MELTF: variants seen among roughly 807,000 people sequenced by gnomAD.
The protein encoded by MELTF is antigen p97 (melanoma associated) identified by monoclonal antibodies 133.2 and 96.5.
MELTF carries 67 observed loss-of-function variants against 83.7 expected under a neutral mutation model. The observed-to-expected ratio is 0.80, with a 90% CI of 0.66 to 0.98. The LOEUF (loss-of-function observed/expected upper bound fraction) is 0.98, where lower values mean the gene tolerates loss of function less well. Ranked by LOEUF, MELTF falls within the 50% of genes least tolerant of loss-of-function variation. The pLI is 0.00. For synonymous variants in MELTF, 462 were observed against 447.6 expected, an observed-to-expected ratio of 1.03 and a Z score of -0.41; for missense variants, 1,002 against 1,035.6, an observed-to-expected ratio of 0.97 and a Z score of 0.44.
chr3:197,006,498 A>C lies in MELTF; in HGVS notation c.1938+51T>G. ...GTAGACTGAGGCCTCCCAGGGGCTC[A>C]GCTTACCTCTGCTGCACACCCCTCA... On this transcript the variant is annotated intron_variant, in intron 14 of 15. Coordinates refer to ENST00000296350, the MANE Select transcript of MELTF (RefSeq NM_005929.6). This position sits in a 1 kb window ranked among gnomAD's most constrained non-coding sequence, Gnocchi z 5.4. The C allele has an allele frequency of 6.5e-7, 1 of 1,549,922 alleles. No homozygotes were observed. The highest frequency in any genetic ancestry group is 2.3e-5 in the East Asian group (1 of 42,878).
At position 197,017,424 on chromosome 3, in the gene MELTF, G is replaced by T. The variant is rs943014982; in HGVS notation, c.713-134C>A. On this transcript the variant is annotated intron_variant, in intron 6 of 15. Coordinates refer to ENST00000296350, the MANE Select transcript of MELTF (RefSeq NM_005929.6). ...AGAACCCAGCATTCAGAAGGTGGCA[G>T]AGCTTGGTGGCCGCACCCAACTCCA... is the stretch of plus-strand genomic sequence containing the variant. The T allele has an allele frequency of 7.2e-5, 58 of 804,134 alleles. 1 individual carries two copies. The East Asian group carries it at 1.6e-3, about 22-fold the overall frequency. The allele number at this position is 804,134 out of a possible 1,614,324, so 49.8% of individuals were successfully genotyped here. A position where few individuals can be genotyped will look rare whatever the true frequency, so the allele number is the denominator to read the frequency against.
At chr3:197,009,983 C>T (rs531681868) in intron 10 of MELTF, among the ~76,000 whole-genome samples, 171 bp from the exon 11 acceptor site, 2 of 152,248 alleles carry the variant, frequency 1.3e-5, no homozygotes, top group African/African-American at 2.4e-5. Context: ...CCAGCGGGGG[C>T]CCCTGCCTGC....
chr3:197,027,750 A>G lies in MELTF; in HGVS notation c.204+6T>C, dbSNP rs767533620. ...TGTCTGGCAGGGTGGAAGGGAGAGG[A>G]CTCACCGCGATGAGCTGGACGCAGT... On this transcript the variant is annotated splice_donor_region_variant and intron_variant, in intron 2 of 15. Coordinates refer to ENST00000296350, the MANE Select transcript of MELTF (RefSeq NM_005929.6). 1.7e-5 allele frequency: 27 copies of G among 1,603,012 alleles called. No homozygotes were observed. Among genetic ancestry groups the G allele is most frequent in the Non-Finnish European group, 2.3e-5 (27 of 1,173,488 alleles).
intron 9 of MELTF, among the ~76,000 whole-genome samples, chr3:197,014,052 G>A (rs1304066863): frequency 6.6e-6 from 1 of 152,164 alleles, no homozygotes; most frequent in East Asian, 1.9e-4. Flanking sequence ...AGGGATGCCC[G>A]CACCCCATGT....
At chr3:197,021,928 A>G (rs1043393561) in intron 5 of MELTF, among the ~76,000 whole-genome samples, 1 of 152,198 alleles carries the variant, frequency 6.6e-6, no homozygotes, top group Non-Finnish European at 1.5e-5. Flanking sequence ...ATCATAGCTC[A>G]TGGCAGCTTT....
Position 197,014,285 on chromosome 3 carries a change from A to G in MELTF, c.1233+1080T>C, listed in dbSNP as rs147319961. The stretch of plus-strand genomic sequence containing the variant: ...AAGTTAAACACCATATGTTCCACTC[A>G]TATGTGGAAGCTAAAAAAAGTTGAT... On this transcript the variant is annotated intron_variant, in intron 9 of 15. Coordinates refer to ENST00000296350, the MANE Select transcript of MELTF (RefSeq NM_005929.6). Among the ~76,000 whole-genome samples, 23 of 152,068 alleles carry G rather than the reference A, an allele frequency of 1.5e-4. No homozygotes were observed. The East Asian group carries it at 3.9e-3, about 26-fold the overall frequency.
chr3:197,019,496 A>G (rs1319504557), intron 6 of MELTF: 2 of 1,493,730 alleles, frequency 1.3e-6, no homozygotes, highest in South Asian at 1.4e-5. Context: ...CCAGCTACTC[A>G]GGAGGCTGAG....
At position 197,006,804 on chromosome 3, in the gene MELTF, T is replaced by C. The variant is rs1718998333; in HGVS notation, c.1751-68A>G. 5 of 1,379,096 alleles carry C rather than the reference T, an allele frequency of 3.6e-6. No individual in the cohort carries two copies. The highest frequency in any genetic ancestry group is 3.2e-5 in the Admixed American group (1 of 30,904). The allele number at this position is 1,379,096 out of a possible 1,614,324, so 85.4% of individuals were successfully genotyped here. ...GGAGAGAAGTGTAAAGAGAAGCTGC[T>C]ATCCTGGGACCCCAAGGCCTTCACC... On this transcript the variant is annotated intron_variant, in intron 13 of 15. Coordinates refer to ENST00000296350, the MANE Select transcript of MELTF (RefSeq NM_005929.6). The surrounding 1 kb of genome is among the most constrained non-coding windows in gnomAD (Gnocchi z 5.4).
Position 197,016,177 on chromosome 3 carries a change from A to G in MELTF, c.1081+12T>C. 1 of 1,509,316 alleles carries G rather than the reference A, an allele frequency of 6.6e-7. No individual in the cohort carries two copies. Among genetic ancestry groups the G allele is most frequent in the African/African-American group, 1.4e-5 (1 of 70,812 alleles). 93.5% of individuals were successfully genotyped at this position (1,509,316 alleles called of 1,614,324 possible). A position where few individuals can be genotyped will look rare whatever the true frequency, so the allele number is the denominator to read the frequency against. On this transcript the variant is annotated intron_variant, in intron 8 of 15. Transcript: ENST00000296350. ...GGCTGGAGCTGGCAGCAGTGGGGAC[A>G]GGTGGACTTACGGTTGGGGTCACAG...
In MELTF at chr3:197,021,457, C is replaced by T. The variant is rs747604884; in HGVS notation, c.659G>A (p.Gly220Glu). 4 of 1,614,044 alleles carry T rather than the reference C, an allele frequency of 2.5e-6. No individual in the cohort carries two copies. The highest frequency in any genetic ancestry group is 4.5e-5 in the East Asian group (2 of 44,888). The change falls in exon 6 of 16, where the codon GGG becomes GAG. Residue 220 changes from glycine (G) to glutamate (E), a missense_variant. Physicochemically the swap from Gly to Glu is moderately conservative, Grantham distance 98 (BLOSUM62 -2). Transcript: ENST00000296350. ...YSGAFRCLAE[G>E]AGDVAFVKHS... ...CTTCACAAAAGCCACGTCCCCTGCC[C>T]CTTCCGCCAGGCACCTGCGGAGGAG...
At position 197,017,130 on chromosome 3, in the gene MELTF, G is replaced by A. The variant is rs749943578; in HGVS notation, c.873C>T (p.Leu291=). 1.1e-5 allele frequency: 17 copies of A among 1,612,330 alleles called. 1 individual carries two copies. In the South Asian group the frequency reaches 1.1e-4, roughly 10 times the overall value. ...VVVRADTDGG[L]IFRLLNEGQR... is the part of the protein sequence containing the mutation. ...GGCCTTCGTTGAGCAGCCGGAAGATGAGGCCCCCATCTGTGTCGGCCCGGA... is the reference window on the plus strand; with the variant it reads ...GGCCTTCGTTGAGCAGCCGGAAGATAAGGCCCCCATCTGTGTCGGCCCGGA... Residue 291 remains leucine, a synonymous_variant, in exon 7 of 16, where the codon CTC becomes CTT. Coordinates refer to ENST00000296350, the MANE Select transcript of MELTF (RefSeq NM_005929.6).
At chr3:197,023,143 G>A in intron 4 of MELTF, 30 bp from the exon 5 acceptor site, 8 of 1,612,274 alleles carry the variant, frequency 5.0e-6, no homozygotes, top group Non-Finnish European at 6.8e-6. Flanking sequence ...AGGTCACTCA[G>A]CAGAACTTTC....
intron 14 of MELTF, 53 bp from the exon 15 acceptor site, chr3:197,004,152 A>C: frequency 1.9e-6 from 3 of 1,568,008 alleles, no homozygotes; most frequent in Non-Finnish European, 2.6e-6. Flanking sequence ...AGGCAGGGTC[A>C]CCCGCCCAGT....
At position 197,002,358 on chromosome 3, in the gene MELTF, C is replaced by T. The variant is rs1718768674; in HGVS notation, c.*1014G>A. 1 of 152,314 alleles carries T rather than the reference C, an allele frequency of 6.6e-6. No homozygotes were observed. The highest frequency in any genetic ancestry group is 1.5e-5 in the Non-Finnish European group (1 of 68,090). The allele number at this position is 152,314 out of a possible 1,614,324, so 9.4% of individuals were successfully genotyped here. A position where few individuals can be genotyped will look rare whatever the true frequency, so the allele number is the denominator to read the frequency against. On this transcript the variant is annotated 3_prime_UTR_variant, in exon 16 of 16. Coordinates refer to ENST00000296350, the MANE Select transcript of MELTF (RefSeq NM_005929.6). ...GGGCTGCCAGTTCTGGAAACTTTTT[C>T]TGGCTTCTCAGACAACTGTGGCAAG...
Position 197,022,896 on chromosome 3 carries a change from C to A in MELTF, c.644+61G>T. On this transcript the variant is annotated intron_variant, in intron 5 of 15. Transcript: ENST00000296350. The surrounding 1 kb of genome is among the most constrained non-coding windows in gnomAD (Gnocchi z 5.1). Reference sequence around the variant, plus strand: ...CTCTCTGGGCAAAGGTGTTTTTCCCCAGCATTTGTGGCCTCAGCTCCTCCC... The same window carrying A: ...CTCTCTGGGCAAAGGTGTTTTTCCCAAGCATTTGTGGCCTCAGCTCCTCCC... The A allele has an allele frequency of 6.6e-7, 1 of 1,513,814 alleles. No homozygotes were observed. The highest frequency in any genetic ancestry group is 1.2e-5 in the South Asian group (1 of 80,146). 93.8% of individuals were successfully genotyped at this position (1,513,814 alleles called of 1,614,324 possible).
At chr3:197,016,483 T>C in intron 7 of MELTF, 114 bp from the exon 8 acceptor site, 1 of 947,336 alleles carries the variant, frequency 1.1e-6, no homozygotes, top group Non-Finnish European at 1.5e-6. Context: ...GCACCCACCC[T>C]GAGGGCCAGG....
intron 2 of MELTF, 129 bp downstream of exon 2, chr3:197,027,627 A>C: frequency 2.5e-6 from 3 of 1,219,342 alleles, no homozygotes; most frequent in African/African-American, 1.5e-5. Flanking sequence ...GGCCAGGGAG[A>C]CTCGGGAGAT....
chr3:197,006,880 C>G lies in MELTF; in HGVS notation c.1751-144G>C. 1 of 708,222 alleles carries G rather than the reference C, an allele frequency of 1.4e-6. No individual in the cohort carries two copies. The highest frequency in any genetic ancestry group is 2.1e-6 in the Non-Finnish European group (1 of 471,850). The allele number at this position is 708,222 out of a possible 1,614,324, so 43.9% of individuals were successfully genotyped here. A position where few individuals can be genotyped will look rare whatever the true frequency, so the allele number is the denominator to read the frequency against. On this transcript the variant is annotated intron_variant, in intron 13 of 15. Coordinates refer to ENST00000296350, the MANE Select transcript of MELTF (RefSeq NM_005929.6). The surrounding 1 kb of genome is among the most constrained non-coding windows in gnomAD (Gnocchi z 5.4). ...GCTCCCCAACCCTCTCCATTCTCCA[C>G]GTGCTCTGCTGTGTTACCGGGGTGA...
rs769715658 is a variant in MELTF, at chr3:197,022,237, C to T, written c.644+720G>A. On this transcript the variant is annotated intron_variant, in intron 5 of 15. Coordinates refer to ENST00000296350, the MANE Select transcript of MELTF (RefSeq NM_005929.6). This position sits in a 1 kb window ranked among gnomAD's most constrained non-coding sequence, Gnocchi z 5.1. ...AAAATGCACAGGGATTAGAGCAGAT[C>T]GGGGCGGGCGACATCAGGAGAGGGC... Among the ~76,000 whole-genome samples the T allele has an allele frequency of 5.3e-5, 8 of 152,074 alleles. No homozygotes were observed. Among genetic ancestry groups the T allele is most frequent in the South Asian group, 2.1e-4 (1 of 4,826 alleles).
Sources: gnomAD v4.1 joint callset for allele counts (sites outside exome capture counted in the v4.1 genomes callset) on GRCh38, gnomAD v4.1.1 for gene constraint, Gnocchi (gnomAD v3.1) non-coding constraint, MANE v1.5 for transcripts, NCBI Gene and HGNC (gene_info 2026-07-23, HGNC 2026-07-21) for gene names.